MDFIC: variants seen among roughly 807,000 people sequenced by gnomAD.
MDFIC encodes the protein MyoD family inhibitor domain containing.
A neutral mutation model predicts 23.2 loss-of-function variants in MDFIC; 17 were observed. The ratio of observed to expected loss-of-function variants is 0.73; its 90% CI spans 0.50 to 1.10. MDFIC has a LOEUF of 1.10. Among genes scored for constraint, MDFIC ranks in the 50% least tolerant of loss-of-function variants. MDFIC has a pLI of 0.00. For synonymous variants in MDFIC, 120 were observed against 115.2 expected (o/e 1.04, Z -0.27); for missense variants, 356 against 316.6 (o/e 1.12, Z -0.95).
intron 3 of MDFIC, among the ~76,000 whole-genome samples, chr7:114,954,154 T>G (rs1283404191): frequency 6.6e-6 from 1 of 152,238 alleles, no homozygotes; most frequent in Non-Finnish European, 1.5e-5. Context: ...CATATTGATA[T>G]ACCTTGGACT....
chr7:114,960,469 T>G (rs918837737), intron 3 of MDFIC, among the ~76,000 whole-genome samples: 1 of 152,118 alleles, frequency 6.6e-6, no homozygotes, highest in Non-Finnish European at 1.5e-5. Context: ...CATGGCCTTT[T>G]TTTAATATAG....
At chr7:115,006,891 C>A (rs1791580019) in intron 4 of MDFIC, among the ~76,000 whole-genome samples, 1 of 152,066 alleles carries the variant, frequency 6.6e-6, no homozygotes, top group Non-Finnish European at 1.5e-5. Context: ...TTTCAACTGG[C>A]CAACTGAAAA....
intron 4 of MDFIC, among the ~76,000 whole-genome samples, chr7:114,999,624 G>A (rs1791418167): frequency 6.6e-6 from 1 of 151,772 alleles, no homozygotes; most frequent in Non-Finnish European, 1.5e-5. Context: ...TAGTATGGAA[G>A]GAACCTCATA....
At position 115,017,955 on chromosome 7, in the gene MDFIC, T is replaced by C. The variant is rs1418783571; in HGVS notation, c.*2020T>C. On this transcript the variant is annotated 3_prime_UTR_variant, in exon 5 of 5. Transcript: ENST00000393486. Reference sequence around the variant, plus strand: ...GTGGTTTTTCCTTTGAGATGAAACGTAGTTTCTAGTTATATCATTACTTAA... The same window carrying C: ...GTGGTTTTTCCTTTGAGATGAAACGCAGTTTCTAGTTATATCATTACTTAA... 2.0e-5 allele frequency: 3 copies of C among 152,044 alleles called. No homozygotes were observed. The highest frequency in any genetic ancestry group is 7.2e-5 in the African/African-American group (3 of 41,444). 9.4% of individuals were successfully genotyped at this position (152,044 alleles called of 1,614,324 possible). A position where few individuals can be genotyped will look rare whatever the true frequency, so the allele number is the denominator to read the frequency against.
Position 114,922,579 on chromosome 7 carries a change from C to G in MDFIC, c.-165C>G. Reference sequence around the variant, plus strand: ...CCGGAGGCTCGCTAACTTTCCGGGGCGGAAGAGGAGGAGGAGGAGGAGGAA... The same window carrying G: ...CCGGAGGCTCGCTAACTTTCCGGGGGGGAAGAGGAGGAGGAGGAGGAGGAA... On this transcript the variant is annotated 5_prime_UTR_variant, in exon 1 of 5. Coordinates refer to ENST00000393486, the MANE Select transcript of MDFIC (RefSeq NM_001166345.3). The G allele has an allele frequency of 7.9e-7, 1 of 1,264,050 alleles. No homozygotes were observed. Among genetic ancestry groups the G allele is most frequent in the Non-Finnish European group, 1.0e-6 (1 of 997,908 alleles). 78.3% of individuals were successfully genotyped at this position (1,264,050 alleles called of 1,614,324 possible). A position where few individuals can be genotyped will look rare whatever the true frequency, so the allele number is the denominator to read the frequency against.
At chr7:114,999,271 G>C (rs1293976420) in intron 4 of MDFIC, among the ~76,000 whole-genome samples, 3 of 151,844 alleles carry the variant, frequency 2.0e-5, no homozygotes, top group Non-Finnish European at 2.9e-5. Context: ...TGAGTTATGG[G>C]TACATAGCTT....
chr7:114,997,627 T>C (rs2116062442), intron 4 of MDFIC, among the ~76,000 whole-genome samples: 1 of 150,150 alleles, frequency 6.7e-6, no homozygotes, highest in East Asian at 2.0e-4. Context: ...CCTGTGGTCC[T>C]AGCTACTTTA....
chr7:114,959,824 C>CATAA (rs140033165), intron 3 of MDFIC, among the ~76,000 whole-genome samples: 1 of 145,582 alleles, frequency 6.9e-6, no homozygotes, highest in African/African-American at 2.5e-5. Flanking sequence ...TCTAAATAGA[C>CATAA]TAATAATAAT....
At chr7:114,946,998 A>G (rs1792659755) in intron 3 of MDFIC, among the ~76,000 whole-genome samples, 1 of 152,164 alleles carries the variant, frequency 6.6e-6, no homozygotes, top group Non-Finnish European at 1.5e-5. Flanking sequence ...TATACTTAGA[A>G]CATTTTTACT....
At chr7:114,922,699 A>C (rs1009892501) in intron 1 of MDFIC, 63 bp downstream of exon 1, 6 of 1,365,132 alleles carry the variant, frequency 4.4e-6, no homozygotes, top group Middle Eastern at 2.6e-4. Context: ...GGGTTCTCCC[A>C]AACCCGATCT....
At position 115,015,822 on chromosome 7, in the gene MDFIC, G is replaced by A. The variant is rs563854672; in HGVS notation, c.628G>A (p.Asp210Asn). 4 of 1,614,230 alleles carry A rather than the reference G, an allele frequency of 2.5e-6. No individual in the cohort carries two copies. Among genetic ancestry groups the A allele is most frequent in the Admixed American group, 3.3e-5 (2 of 60,030 alleles). Residue 210 changes from aspartate (D) to asparagine (N), a missense_variant, in exon 5 of 5, where the codon GAT becomes AAT. By Grantham distance (23) the Asp-to-Asn change is conservative. Transcript: ENST00000393486. The part of the protein sequence containing the change: ...CCCCCGDEMG[D>N]DCNCPCDMDC... ...CTGTTGCTGTGGTGACGAGATGGGG[G>A]ATGATTGTAACTGCCCTTGTGATAT... is the stretch of plus-strand genomic sequence containing the variant.
At chr7:114,970,666 G>A (rs759449950) in intron 3 of MDFIC, among the ~76,000 whole-genome samples, 11 of 152,184 alleles carry the variant, frequency 7.2e-5, no homozygotes, top group Non-Finnish European at 1.0e-4. Context: ...AGTGAGTGGG[G>A]AAGGCACTTG....
chr7:114,929,755 C>G (rs558207907), intron 2 of MDFIC, among the ~76,000 whole-genome samples: 1 of 152,166 alleles, frequency 6.6e-6, no homozygotes, highest in South Asian at 2.1e-4. Context: ...ATTGAATACA[C>G]TCACTGTGCA....
chr7:114,943,977 T>A (rs1237145630), intron 3 of MDFIC, among the ~76,000 whole-genome samples: 8 of 152,198 alleles, frequency 5.3e-5, no homozygotes, highest in Non-Finnish European at 5.9e-5. Context: ...TGGAGAGTCA[T>A]GCTAATGTGT....
At chr7:114,926,262 G>A (rs1043407233) in intron 2 of MDFIC, among the ~76,000 whole-genome samples, 3 of 152,100 alleles carry the variant, frequency 2.0e-5, no homozygotes, top group South Asian at 2.1e-4. Context: ...AATCCAACCC[G>A]CTCATTTTTT....
chr7:114,973,354 T>G (rs996712332), intron 3 of MDFIC, among the ~76,000 whole-genome samples: 1 of 152,114 alleles, frequency 6.6e-6, no homozygotes, highest in African/African-American at 2.4e-5. Context: ...TTAAGATATT[T>G]CACTCAGCTG....
At position 115,003,993 on chromosome 7, in the gene MDFIC, T is replaced by TA. The variant is rs546864806; in HGVS notation, c.494-11694dup. Among the ~76,000 whole-genome samples, 55 of 152,294 alleles carry TA rather than the reference T, an allele frequency of 3.6e-4. No individual in the cohort carries two copies. In the South Asian group the frequency reaches 0.011, roughly 29 times the overall value. On this transcript the variant is annotated intron_variant, in intron 4 of 4. Transcript: ENST00000393486. ...AGTGAGTAAATATTTATAAACTACT[T>TA]ACAGCAGTGCCTGGACTTTAGTAAG... is the stretch of plus-strand genomic sequence containing the variant.
At chr7:114,994,674 GC>G (rs1435686864) in intron 4 of MDFIC, among the ~76,000 whole-genome samples, 1 of 152,206 alleles carries the variant, frequency 6.6e-6, no homozygotes, top group Admixed American at 6.5e-5. Flanking sequence ...GTTGAACATT[GC>G]CCCCCACTCT....
At position 114,922,330 on chromosome 7, in the gene MDFIC, T is replaced by TG; in HGVS notation, c.-412dup. ...GAGAAGTGTTTCAGGATTGTAGGAG[T>TG]GGAAGAGGGGAAAGAGAGGCAGAGA... On this transcript the variant is annotated 5_prime_UTR_variant, in exon 1 of 5. Transcript: ENST00000393486. 9.6e-7 allele frequency: 1 copy of TG among 1,044,628 alleles called. No individual in the cohort carries two copies. Among genetic ancestry groups the TG allele is most frequent in the Non-Finnish European group, 1.2e-6 (1 of 818,150 alleles). The allele number at this position is 1,044,628 out of a possible 1,614,324, so 64.7% of individuals were successfully genotyped here.
Sources: gnomAD v4.1 joint callset for allele counts (sites outside exome capture counted in the v4.1 genomes callset) on GRCh38, gnomAD v4.1.1 for gene constraint, MANE v1.5 for transcripts, NCBI Gene and HGNC (gene_info 2026-07-23, HGNC 2026-07-21) for gene names.